The following COL20A1 variants were observed in gnomAD, a reference collection of about 807,000 sequenced individuals.
COL20A1 encodes collagen type XX alpha 1 chain.
In COL20A1, 164 loss-of-function variants were observed where a neutral mutation model predicts 152.9. That is an observed-to-expected ratio of 1.07 (90% CI 0.94 to 1.22). The LOEUF (loss-of-function observed/expected upper bound fraction) is 1.22. Among genes scored for constraint, COL20A1 ranks in the 50% most tolerant of loss-of-function variants. The pLI is 0.00. For missense variants in COL20A1, 1,873 were observed against 1,744.8 expected (o/e 1.07, Z -1.31); for synonymous variants, 864 against 756.0 (o/e 1.14, Z -2.34).
At chr20:63,312,091 G>T (rs748922771) in intron 14 of COL20A1, 36 bp downstream of exon 14, 3 of 1,520,814 alleles carry the variant, frequency 2.0e-6, no homozygotes, top group South Asian at 1.3e-5. Context: ...CGAGTGTCTT[G>T]AGGGACCACA....
intron 1 of COL20A1, among the ~76,000 whole-genome samples, chr20:63,294,746 A>G (rs746794028): frequency 6.6e-6 from 1 of 152,056 alleles, no homozygotes; most frequent in Non-Finnish European, 1.5e-5. Context: ...GGAGCCCCAC[A>G]AGCAGGAGGC....
At position 63,320,025 on chromosome 20, in the gene COL20A1, G is replaced by A. The variant is rs780316291; in HGVS notation, c.2917-14G>A. On this transcript the variant is annotated splice_polypyrimidine_tract_variant and intron_variant, in intron 23 of 35. Transcript: ENST00000358894. The stretch of plus-strand genomic sequence containing the variant: ...CCGCCTGGGCTGTGGAGAACCTCCC[G>A]TGCCGTCTCACAGGTGCACGTGGCT... 3.9e-6 allele frequency: 6 copies of A among 1,550,596 alleles called. No individual in the cohort carries two copies. The highest frequency in any genetic ancestry group is 2.4e-5 in the East Asian group (1 of 40,970).
intron 10 of COL20A1, among the ~76,000 whole-genome samples, 167 bp from the exon 11 acceptor site, chr20:63,310,214 T>G (rs1469064876): frequency 6.6e-6 from 1 of 152,024 alleles, no homozygotes; most frequent in Non-Finnish European, 1.5e-5. Context: ...ATAATTGTGG[T>G]GGGCCTGGCA....
In COL20A1 at chr20:63,320,998, T is replaced by G; in HGVS notation, c.3154-15T>G. The G allele has an allele frequency of 6.5e-7, 1 of 1,547,908 alleles. No homozygotes were observed. The highest frequency in any genetic ancestry group is 1.2e-5 in the South Asian group (1 of 84,194). On this transcript the variant is annotated splice_polypyrimidine_tract_variant and intron_variant, in intron 25 of 35. Coordinates refer to ENST00000358894, the MANE Select transcript of COL20A1 (RefSeq NM_020882.4). Reference sequence around the variant, plus strand: ...GAGAGGGTCTCTCTAATGGGCAGGGTCTCTCTTCTTCCAGAGGGATGGAGA... The same window carrying G: ...GAGAGGGTCTCTCTAATGGGCAGGGGCTCTCTTCTTCCAGAGGGATGGAGA...
chr20:63,313,922 AC>A lies in COL20A1; in HGVS notation c.2358+33del, dbSNP rs780664521. 3 of 1,582,556 alleles carry A rather than the reference AC, an allele frequency of 1.9e-6. No individual in the cohort carries two copies. The highest frequency in any genetic ancestry group is 1.7e-6 in the Non-Finnish European group (2 of 1,164,238). Reference sequence around the variant, plus strand: ...TCTTGGTAGAGCCTGAGGCTGCCCCACCTCGTGGGGCCTCCTGGAAGGGGTA... The same window carrying A: ...TCTTGGTAGAGCCTGAGGCTGCCCCACTCGTGGGGCCTCCTGGAAGGGGTA... On this transcript the variant is annotated intron_variant, in intron 18 of 35. Coordinates refer to ENST00000358894, the MANE Select transcript of COL20A1 (RefSeq NM_020882.4). This position sits in a 1 kb window ranked among gnomAD's most constrained non-coding sequence, Gnocchi z 5.9.
Position 63,331,231 on chromosome 20 carries a change from C to T in COL20A1, c.*515C>T, listed in dbSNP as rs1038830736. ...ATGGTTCCACTGCTGGCCCACCAGT[C>T]ACCTGCACGATGGCTCCTCCCTCAG... On this transcript the variant is annotated 3_prime_UTR_variant, in exon 36 of 36. Transcript: ENST00000358894. 2.0e-5 allele frequency: 3 copies of T among 152,398 alleles called. No homozygotes were observed. Among genetic ancestry groups the T allele is most frequent in the African/African-American group, 7.2e-5 (3 of 41,464 alleles). The allele number at this position is 152,398 out of a possible 1,614,324, so 9.4% of individuals were successfully genotyped here. A position where few individuals can be genotyped will look rare whatever the true frequency, so the allele number is the denominator to read the frequency against.
At position 63,319,746 on chromosome 20, in the gene COL20A1, C is replaced by T; in HGVS notation, c.2916+150C>T. 1.6e-6 allele frequency: 1 copy of T among 629,140 alleles called. No individual in the cohort carries two copies. The highest frequency in any genetic ancestry group is 1.9e-5 in the South Asian group (1 of 51,554). 39.0% of individuals were successfully genotyped at this position (629,140 alleles called of 1,614,324 possible). ...TTGACCTGGGGCTCTGTTCCTCTAC[C>T]CCAGCTCTTCCATCTTAATTGGAGT... is the stretch of plus-strand genomic sequence containing the variant. On this transcript the variant is annotated intron_variant, in intron 23 of 35. Transcript: ENST00000358894. This position sits in a 1 kb window ranked among gnomAD's most constrained non-coding sequence, Gnocchi z 4.4.
intron 29 of COL20A1, 47 bp downstream of exon 29, chr20:63,325,768 G>C: frequency 6.4e-7 from 1 of 1,552,170 alleles, no homozygotes; most frequent in Non-Finnish European, 8.9e-7. Flanking sequence ...GTAGAGACTG[G>C]CCTGGGGACG....
Position 63,319,933 on chromosome 20 carries a change from A to T in COL20A1, c.2917-106A>T. The T allele has an allele frequency of 5.3e-6, 6 of 1,134,256 alleles. No individual in the cohort carries two copies. Among genetic ancestry groups the T allele is most frequent in the Non-Finnish European group, 7.4e-6 (6 of 813,560 alleles). 70.3% of individuals were successfully genotyped at this position (1,134,256 alleles called of 1,614,324 possible). A position where few individuals can be genotyped will look rare whatever the true frequency, so the allele number is the denominator to read the frequency against. ...GAGGTGAGGTCAGGTTCCTGACCCC[A>T]GGTCCCAGGGATGGGTGTTACTCCC... On this transcript the variant is annotated intron_variant, in intron 23 of 35. Coordinates refer to ENST00000358894, the MANE Select transcript of COL20A1 (RefSeq NM_020882.4). The surrounding 1 kb of genome is among the most constrained non-coding windows in gnomAD (Gnocchi z 4.4).
chr20:63,322,546 T>C (rs1266962798), intron 27 of COL20A1, among the ~76,000 whole-genome samples: 3 of 152,110 alleles, frequency 2.0e-5, no homozygotes, highest in Non-Finnish European at 4.4e-5. Flanking sequence ...CAGATGTCTC[T>C]AGGCTCAGCG....
At chr20:63,300,688 AT>A (rs1344435416) in intron 3 of COL20A1, among the ~76,000 whole-genome samples, 1 of 151,830 alleles carries the variant, frequency 6.6e-6, no homozygotes, top group Non-Finnish European at 1.5e-5. Flanking sequence ...TGTTGTTTCT[AT>A]TTCTTTTACT....
chr20:63,294,491 C>CT (rs111394713), intron 1 of COL20A1, among the ~76,000 whole-genome samples: 13 of 152,150 alleles, frequency 8.5e-5, no homozygotes, highest in African/African-American at 3.1e-4. Context: ...TCCAGTGGCC[C>CT]TGGCGGCCTC....
intron 14 of COL20A1, 45 bp downstream of exon 14, chr20:63,312,100 C>G: frequency 6.6e-7 from 1 of 1,506,378 alleles, no homozygotes; most frequent in Non-Finnish European, 8.9e-7. Flanking sequence ...TGAGGGACCA[C>G]AGGGCCCTGT....
chr20:63,294,504 TGTCTCGGCCTCA>T, intron 1 of COL20A1, among the ~76,000 whole-genome samples: 1 of 152,088 alleles, frequency 6.6e-6, no homozygotes, highest in African/African-American at 2.4e-5. Context: ...GCGGCCTCCC[TGTCTCGGCCTCA>T]GAGCCGTGTG....
At chr20:63,295,223 C>T (rs1185501065) in intron 2 of COL20A1, 34 bp downstream of exon 2, 15 of 1,450,986 alleles carry the variant, frequency 1.0e-5, no homozygotes, top group Middle Eastern at 1.9e-4. Context: ...CTGCTTGCCC[C>T]GAGGCCACGC....
intron 11 of COL20A1, among the ~76,000 whole-genome samples, chr20:63,310,921 C>T (rs2067996765): frequency 6.6e-6 from 1 of 152,112 alleles, no homozygotes; most frequent in South Asian, 2.1e-4. Flanking sequence ...TTAAAGTGTA[C>T]AACTCCAGTG....
rs772982482 is a variant in COL20A1, at chr20:63,319,626, C to G, written c.2916+30C>G. On this transcript the variant is annotated intron_variant, in intron 23 of 35. Coordinates refer to ENST00000358894, the MANE Select transcript of COL20A1 (RefSeq NM_020882.4). This position sits in a 1 kb window ranked among gnomAD's most constrained non-coding sequence, Gnocchi z 4.4. The stretch of plus-strand genomic sequence containing the variant: ...TGGTGCAGCTCGCGCCCCTCTCCCC[C>G]GTTCCCCCAGCTCTGGGGCAGCCCA... The G allele has an allele frequency of 2.0e-6, 3 of 1,485,776 alleles. No individual in the cohort carries two copies. Among genetic ancestry groups the G allele is most frequent in the Admixed American group, 2.0e-5 (1 of 51,072 alleles). 92.0% of individuals were successfully genotyped at this position (1,485,776 alleles called of 1,614,324 possible).
rs534510934 is a variant in COL20A1, at chr20:63,296,050, T to C, written c.82+861T>C. ...GGGCGAGGGAGCCTCCAGGTGCCGC[T>C]GCCATTGCAGAAGGGCGGGTGAGAT... On this transcript the variant is annotated intron_variant, in intron 2 of 35. Coordinates refer to ENST00000358894, the MANE Select transcript of COL20A1 (RefSeq NM_020882.4). Among the ~76,000 whole-genome samples, 25 of 152,360 alleles carry C rather than the reference T, an allele frequency of 1.6e-4. 1 individual carries two copies. In the South Asian group the frequency reaches 5.2e-3, roughly 32 times the overall value.
chr20:63,307,340 C>T (rs1412095205), intron 5 of COL20A1, 150 bp from the exon 6 acceptor site: 84 of 691,918 alleles, frequency 1.2e-4, no homozygotes, highest in Admixed American at 6.6e-4. Flanking sequence ...CTGTCTAGTC[C>T]GGTGAGGCCT....
Sources: gnomAD v4.1 joint callset for allele counts (sites outside exome capture counted in the v4.1 genomes callset) on GRCh38, gnomAD v4.1.1 for gene constraint, Gnocchi (gnomAD v3.1) non-coding constraint, MANE v1.5 for transcripts, NCBI Gene and HGNC (gene_info 2026-07-23, HGNC 2026-07-21) for gene names.